Variants in RBM20 observed in about 807,000 individuals in gnomAD.
RBM20 encodes RNA-binding protein 20.
Under a neutral mutation model 110.1 loss-of-function variants are expected in RBM20, and 51 were observed. The ratio of observed to expected loss-of-function variants is 0.46; its 90% confidence interval spans 0.37 to 0.59. The LOEUF is 0.59. Among genes scored for constraint, RBM20 ranks in the 20% least tolerant of loss-of-function variants. The pLI, the probability that RBM20 is intolerant of heterozygous loss-of-function variation, is 0.00. For synonymous variants in RBM20, 589 were observed against 618.2 expected (o/e 0.95, Z 0.70); for missense variants, 1,512 against 1,574.9 (o/e 0.96, Z 0.68).
chr10:110,671,696 T>A (rs12355456), intron 1 of RBM20, among the ~76,000 whole-genome samples: 49,182 of 151,760 alleles, frequency 0.32, 8,898 homozygotes, highest in East Asian at 0.65. Flanking sequence ...AGATTTTTTT[T>A]AAAAAACTAA....
chr10:110,730,372 G>A (rs900825249), intron 1 of RBM20, among the ~76,000 whole-genome samples: 5 of 152,178 alleles, frequency 3.3e-5, no homozygotes, highest in African/African-American at 1.2e-4. Context: ...CATTAATCCT[G>A]GCTTGGAGAT....
chr10:110,701,741 C>G (rs1862759954), intron 1 of RBM20, among the ~76,000 whole-genome samples: 2 of 152,170 alleles, frequency 1.3e-5, no homozygotes, highest in African/African-American at 4.8e-5. Flanking sequence ...CCTGCCTTTC[C>G]CACTTGATAA....
intron 1 of RBM20, among the ~76,000 whole-genome samples, chr10:110,695,519 C>T (rs927788342): frequency 2.6e-5 from 4 of 152,290 alleles, no homozygotes; most frequent in Non-Finnish European, 2.9e-5. Context: ...GAAATGTGTC[C>T]GCCCCTTGCC....
At chr10:110,767,372 G>A (rs1459795472) in intron 1 of RBM20, among the ~76,000 whole-genome samples, 16 of 148,522 alleles carry the variant, frequency 1.1e-4, no homozygotes, top group South Asian at 2.1e-4. Context: ...CGGACAGGGC[G>A]GCTGGCCTGG....
chr10:110,823,431 CTTTTTTTTTT>C lies in RBM20; in HGVS notation c.3317-31_3317-22del, dbSNP rs201149204. Reference sequence around the variant, plus strand: ...GGACTCTTTGAGGCATGTTGTATTTCTTTTTTTTTTTTTTTTTTTTTTTTTTTGCCTTGGT... The same window carrying C: ...GGACTCTTTGAGGCATGTTGTATTTCTTTTTTTTTTTTTTTTTGCCTTGGT... On this transcript the variant is annotated intron_variant, in intron 11 of 13. Transcript: ENST00000369519. The C allele has an allele frequency of 0.017, 21,774 of 1,290,436 alleles. 24 individuals carry two copies. Among genetic ancestry groups the C allele is most frequent in the East Asian group, 0.054 (1,838 of 34,252 alleles). The allele number at this position is 1,290,436 out of a possible 1,614,324, so 79.9% of individuals were successfully genotyped here.
chr10:110,827,209 C>T (rs1244994107), intron 12 of RBM20, among the ~76,000 whole-genome samples: 2 of 151,512 alleles, frequency 1.3e-5, no homozygotes, highest in African/African-American at 4.9e-5. Flanking sequence ...CCTGTCTCTG[C>T]AAAAAAATAA....
At chr10:110,789,786 G>A (rs1844462250) in intron 5 of RBM20, among the ~76,000 whole-genome samples, 1 of 152,186 alleles carries the variant, frequency 6.6e-6, no homozygotes, top group African/African-American at 2.4e-5. Flanking sequence ...CCCAGAGATA[G>A]GTGTTCACTT....
intron 2 of RBM20, among the ~76,000 whole-genome samples, chr10:110,783,096 G>A (rs1212269454): frequency 6.6e-6 from 1 of 152,178 alleles, no homozygotes; most frequent in Non-Finnish European, 1.5e-5. Flanking sequence ...GAGAGGGGTA[G>A]AGGGAATCCA....
chr10:110,781,073 A>G lies in RBM20; in HGVS notation c.464A>G (p.His155Arg). Residue 155 changes from histidine (H) to arginine (R), a missense_variant, in exon 2 of 14, where the codon CAT becomes CGT. His to Arg is a conservative substitution (Grantham distance 29). Around this residue, in one of 3 missense-constraint regions of RBM20, gnomAD observed 1,149 missense variants for 1,169.4 expected, o/e 0.98. Coordinates refer to ENST00000369519, the MANE Select transcript of RBM20 (RefSeq NM_001134363.3). ...CACGGCCATGCTGGGGTTCCCCAAC[A>G]TGCTGCAGCCATACCCAGTACCCGG... ...GPHGHAGVPQ[H>R]AAAIPSTRFP... 1 of 1,551,860 alleles carries G rather than the reference A, an allele frequency of 6.4e-7. No individual in the cohort carries two copies. The highest frequency in any genetic ancestry group is 8.7e-7 in the Non-Finnish European group (1 of 1,147,018).
chr10:110,802,255 C>T (rs1269274011), intron 7 of RBM20, among the ~76,000 whole-genome samples: 1 of 152,182 alleles, frequency 6.6e-6, no homozygotes, highest in East Asian at 1.9e-4. Context: ...CTAGGACTGG[C>T]ATTCTGACAA....
chr10:110,764,157 G>A (rs1400585402), intron 1 of RBM20, among the ~76,000 whole-genome samples: 1 of 152,176 alleles, frequency 6.6e-6, no homozygotes, highest in Non-Finnish European at 1.5e-5. Context: ...CAGGAGCTTT[G>A]CTGGCTGGGA....
At chr10:110,675,239 G>T (rs1251479811) in intron 1 of RBM20, among the ~76,000 whole-genome samples, 1 of 152,166 alleles carries the variant, frequency 6.6e-6, no homozygotes, top group East Asian at 1.9e-4. Context: ...AAGGAAAAGA[G>T]AGCCTGTTTT....
chr10:110,734,618 C>CGTTTT (rs34824300), intron 1 of RBM20, among the ~76,000 whole-genome samples: 4 of 136,532 alleles, frequency 2.9e-5, no homozygotes, highest in Non-Finnish European at 4.7e-5. Context: ...AAAATTCCCT[C>CGTTTT]TTTTTTTTTT....
At chr10:110,695,546 A>G (rs1429291029) in intron 1 of RBM20, among the ~76,000 whole-genome samples, 2 of 152,210 alleles carry the variant, frequency 1.3e-5, no homozygotes, top group African/African-American at 2.4e-5. Context: ...AGAGTACGAA[A>G]TCTACAACCA....
chr10:110,729,130 A>G (rs1387398718), intron 1 of RBM20, among the ~76,000 whole-genome samples: 1 of 152,228 alleles, frequency 6.6e-6, no homozygotes, highest in Non-Finnish European at 1.5e-5. Flanking sequence ...TGTATAAGAA[A>G]TTCAGAATGA....
chr10:110,744,817 A>G (rs1346944391), intron 1 of RBM20, among the ~76,000 whole-genome samples: 2 of 152,244 alleles, frequency 1.3e-5, no homozygotes, highest in Non-Finnish European at 2.9e-5. Flanking sequence ...TATATTTCGA[A>G]CAAAGGCAAT....
At chr10:110,799,281 T>G (rs7070161) in intron 6 of RBM20, among the ~76,000 whole-genome samples, 148,830 of 152,256 alleles carry the variant, frequency 0.98, 72,816 homozygotes, top group East Asian at 1. Flanking sequence ...ATCTCAGAGG[T>G]ATTCCATGGC....
intron 1 of RBM20, among the ~76,000 whole-genome samples, chr10:110,651,471 AAAGT>A (rs1036486715): frequency 3.3e-5 from 5 of 152,224 alleles, no homozygotes; most frequent in African/African-American, 4.8e-5. Context: ...TTGGAATGTT[AAAGT>A]AAGTACTTTA....
intron 1 of RBM20, among the ~76,000 whole-genome samples, chr10:110,766,007 A>G (rs1349353567): frequency 6.6e-6 from 1 of 152,218 alleles, no homozygotes; most frequent in African/African-American, 2.4e-5. Context: ...TAGTAATATA[A>G]TAATCAATTT....
Sources: allele counts gnomAD v4.1 joint callset (sites outside exome capture counted in the v4.1 genomes callset), GRCh38; gene constraint gnomAD v4.1.1; regional missense constraint gnomAD v4.1.1; transcripts MANE v1.5; gene names NCBI Gene and HGNC (gene_info 2026-07-23, HGNC 2026-07-21).